The following RASGRF1 variants were observed in gnomAD, a reference collection of about 807,000 sequenced individuals.
The protein encoded by RASGRF1 is ras-specific guanine nucleotide-releasing factor 1.
A neutral mutation model predicts 138.7 loss-of-function variants in RASGRF1; 40 were observed. The observed-to-expected ratio is 0.29, with a 90% CI of 0.22 to 0.38. The LOEUF (loss-of-function observed/expected upper bound fraction) is 0.38. Ranked by LOEUF, RASGRF1 falls within the 10% of genes least tolerant of loss-of-function variation. The pLI, the probability that RASGRF1 is intolerant of heterozygous loss-of-function variation, is 1.00. For missense variants in RASGRF1, 1,108 were observed against 1,650.4 expected (o/e 0.67, Z 5.69); for synonymous variants, 614 against 663.2 (o/e 0.93, Z 1.14).
At chr15:79,054,857 A>G (rs997354119) in intron 3 of RASGRF1, among the ~76,000 whole-genome samples, 1 of 152,206 alleles carries the variant, frequency 6.6e-6, no homozygotes, top group African/African-American at 2.4e-5. Flanking sequence ...AAGTGCAGTG[A>G]TAGATCAGGA....
At position 79,004,189 on chromosome 15, in the gene RASGRF1, G is replaced by A. The variant is rs749740416; in HGVS notation, c.2076-14C>T. 20 of 1,549,608 alleles carry A rather than the reference G, an allele frequency of 1.3e-5. No homozygotes were observed. Among genetic ancestry groups the A allele is most frequent in the Middle Eastern group, 1.7e-4 (1 of 5,776 alleles). On this transcript the variant is annotated splice_polypyrimidine_tract_variant and intron_variant, in intron 14 of 26. Coordinates refer to ENST00000558480, the MANE Select transcript of RASGRF1 (RefSeq NM_001145648.3). ...AGCTCCAGCGACCTGTGGGGAGGGC[G>A]GGGGTGAAAATGACAGTTAGCGTAG...
chr15:79,017,716 C>A, intron 12 of RASGRF1, 54 bp downstream of exon 12: 1 of 1,535,268 alleles, frequency 6.5e-7, no homozygotes, highest in East Asian at 2.3e-5. Context: ...AAATCCCTGA[C>A]CTGGTTAGGC....
At chr15:78,996,722 CTGTGTGTGTGTGTGCG>C (rs1383301900) in intron 19 of RASGRF1, among the ~76,000 whole-genome samples, 3 of 151,680 alleles carry the variant, frequency 2.0e-5, no homozygotes, top group Admixed American at 6.6e-5. Context: ...CGAGTGGCGG[CTGTGTGTGTGTGTGCG>C]TGTGTGTGTG....
intron 2 of RASGRF1, among the ~76,000 whole-genome samples, chr15:79,061,430 A>C (rs866237923): frequency 2.0e-5 from 3 of 147,228 alleles, no homozygotes; most frequent in Non-Finnish European, 3.0e-5. Context: ...ATATATATAT[A>C]TCATTCATTT....
rs773705868 is a variant in RASGRF1 at position 79,035,113 on chromosome 15, T to C, written c.958+18A>G. The C allele has an allele frequency of 6.2e-7, 1 of 1,602,952 alleles. No individual in the cohort carries two copies. Among genetic ancestry groups the C allele is most frequent in the South Asian group, 1.1e-5 (1 of 90,112 alleles). On this transcript the variant is annotated intron_variant, in intron 6 of 26. Coordinates refer to ENST00000558480, the MANE Select transcript of RASGRF1 (RefSeq NM_001145648.3). ...AGGGGGACTTCTCTGGGGGCCGCAG[T>C]GAGGGCTGACTACTCACCCAGGACC...
chr15:79,078,147 G>GTGTGTGTGTGCATGTGTC (rs149304846), intron 1 of RASGRF1, among the ~76,000 whole-genome samples: 4 of 149,970 alleles, frequency 2.7e-5, no homozygotes, highest in South Asian at 2.2e-4. Context: ...GTGTGTGTGT[G>GTGTGTGTGTGCATGTGTC]TGTGTGCATG....
chr15:78,969,061 C>A (rs887494118), intron 26 of RASGRF1, among the ~76,000 whole-genome samples: 2 of 152,304 alleles, frequency 1.3e-5, no homozygotes, highest in Admixed American at 1.3e-4. Flanking sequence ...TTCAATCTCT[C>A]TCCCCCAAGA....
chr15:79,017,359 C>T (rs895327755), intron 12 of RASGRF1, among the ~76,000 whole-genome samples: 1 of 152,208 alleles, frequency 6.6e-6, no homozygotes, highest in African/African-American at 2.4e-5. Flanking sequence ...AACATTATTA[C>T]ATCTAATATG....
At position 79,027,332 on chromosome 15, in the gene RASGRF1, G is replaced by A. The variant is rs2057073951; in HGVS notation, c.1381+409C>T. On this transcript the variant is annotated intron_variant, in intron 9 of 26. Coordinates refer to ENST00000558480, the MANE Select transcript of RASGRF1 (RefSeq NM_001145648.3). The surrounding 1 kb of genome is among the most constrained non-coding windows in gnomAD (Gnocchi z 4.8). Reference sequence around the variant, plus strand: ...GCAGAGGATGATGAGGAAAGGACAGGGGAATGGACCCAACACTGACCTCCT... The same window carrying A: ...GCAGAGGATGATGAGGAAAGGACAGAGGAATGGACCCAACACTGACCTCCT... 2.0e-5 allele frequency among the ~76,000 whole-genome samples: 3 copies of A among 152,220 alleles called. No individual in the cohort carries two copies. The South Asian group carries it at 6.2e-4, about 32-fold the overall frequency.
At chr15:79,036,692 G>A (rs527657776) in intron 5 of RASGRF1, among the ~76,000 whole-genome samples, 2 of 152,120 alleles carry the variant, frequency 1.3e-5, no homozygotes, top group Non-Finnish European at 2.9e-5. Context: ...GATGTGAAAT[G>A]TCCTGCTCAT....
chr15:79,008,868 A>G (rs1168147775), intron 13 of RASGRF1, among the ~76,000 whole-genome samples: 1 of 152,214 alleles, frequency 6.6e-6, no homozygotes, highest in African/African-American at 2.4e-5. Context: ...CGCTCCGGAA[A>G]GATGCTTTGA....
intron 7 of RASGRF1, among the ~76,000 whole-genome samples, chr15:79,031,740 G>A (rs556306603): frequency 3.3e-5 from 5 of 151,254 alleles, no homozygotes; most frequent in Non-Finnish European, 7.4e-5. Flanking sequence ...GGCCAGGGGA[G>A]AGAGAGCACG....
chr15:79,058,606 G>T, intron 2 of RASGRF1, 125 bp from the exon 3 acceptor site: 1 of 1,243,944 alleles, frequency 8.0e-7, no homozygotes, highest in Non-Finnish European at 1.1e-6. Flanking sequence ...CTGACTCCCA[G>T]CACCCTGCAG....
rs117165428 is a variant in RASGRF1, at chr15:79,073,716, G to A, written c.277-9190C>T. The stretch of plus-strand genomic sequence containing the variant: ...CTGGATTCCACCTCTTCTCAGTTAC[G>A]TGTGCTGGGAATGCTGCCTGTACTG... On this transcript the variant is annotated intron_variant, in intron 1 of 26. Coordinates refer to ENST00000558480, the MANE Select transcript of RASGRF1 (RefSeq NM_001145648.3). This position sits in a 1 kb window ranked among gnomAD's most constrained non-coding sequence, Gnocchi z 4.2. Among the ~76,000 whole-genome samples the A allele has an allele frequency of 6.5e-3, 992 of 152,286 alleles. 10 individuals carry two copies. Among genetic ancestry groups the A allele is most frequent in the South Asian group, 0.028 (133 of 4,822 alleles).
At chr15:78,991,999 G>T (rs375809745) in intron 20 of RASGRF1, among the ~76,000 whole-genome samples, 1 of 152,120 alleles carries the variant, frequency 6.6e-6, no homozygotes, top group Admixed American at 6.5e-5. Flanking sequence ...GATGGGCCCC[G>T]CCCTGTTGTG....
chr15:79,056,574 G>A (rs77309702), intron 3 of RASGRF1, among the ~76,000 whole-genome samples: 2 of 152,286 alleles, frequency 1.3e-5, no homozygotes, highest in African/African-American at 2.4e-5. Context: ...AAGTGACTTG[G>A]GCTCTCTGAG....
rs534472447 is a variant in RASGRF1 at position 79,018,728 on chromosome 15, G to C, written c.1607-822C>G. Among the ~76,000 whole-genome samples the C allele has an allele frequency of 7.2e-5, 11 of 152,316 alleles. 1 individual carries two copies. The South Asian group carries it at 2.3e-3, about 32-fold the overall frequency. On this transcript the variant is annotated intron_variant, in intron 11 of 26. Transcript: ENST00000558480. ...TTTTAGGAGTCCTTGCTGGGCACGA[G>C]GGAGCCCATTCTCCTGGGACTGTGC...
At position 79,015,121 on chromosome 15, in the gene RASGRF1, C is replaced by A. The variant is rs557248579; in HGVS notation, c.1826+206G>T. Among the ~76,000 whole-genome samples, 123 of 151,566 alleles carry A rather than the reference C, an allele frequency of 8.1e-4. 1 individual carries two copies. The highest frequency in any genetic ancestry group is 3.4e-3 in the Middle Eastern group (1 of 294). On this transcript the variant is annotated intron_variant, in intron 13 of 26. Transcript: ENST00000558480. The stretch of plus-strand genomic sequence containing the variant: ...GGAAATAAAAAATTTAAAAAAAAAA[C>A]CCAAAAAACTAAGCCAAAGCAATCA...
intron 24 of RASGRF1, chr15:78,978,522 G>T (rs3743197): frequency 0.26 from 255,879 of 984,612 alleles, 34,067 homozygotes; most frequent in African/African-American, 0.39. Flanking sequence ...ACTGTGCCTA[G>T]CCCGAATTGG....
Sources: allele counts gnomAD v4.1 joint callset (sites outside exome capture counted in the v4.1 genomes callset), GRCh38; gene constraint gnomAD v4.1.1; non-coding constraint Gnocchi (gnomAD v3.1); transcripts MANE v1.5; gene names NCBI Gene and HGNC (gene_info 2026-07-23, HGNC 2026-07-21).